The following TPST1 variants were observed in gnomAD, a reference collection of about 807,000 sequenced individuals.
The protein encoded by TPST1 is tyrosylprotein sulfotransferase 1.
Under a neutral mutation model 34.8 loss-of-function variants are expected in TPST1, and 20 were observed. The ratio of observed to expected loss-of-function variants is 0.57; its 90% CI spans 0.40 to 0.84. TPST1 has a LOEUF of 0.84. TPST1 is among the 40% of genes least tolerant of loss of function. The probability of loss-of-function intolerance (pLI) is 0.00; values close to 1 mark genes in which losing one functional copy is unlikely to be tolerated. For synonymous variants in TPST1, 152 were observed against 159.4 expected (o/e 0.95, Z 0.35); for missense variants, 353 against 455.5 (o/e 0.78, Z 2.05).
intron 1 of TPST1, among the ~76,000 whole-genome samples, chr7:66,237,588 T>A (rs1789936054): frequency 6.6e-6 from 1 of 152,294 alleles, no homozygotes; most frequent in South Asian, 2.1e-4. Context: ...AACCCCTGTG[T>A]TAGGGTTTTA....
At chr7:66,211,054 T>C (rs1789233116) in intron 1 of TPST1, among the ~76,000 whole-genome samples, 1 of 96,638 alleles carries the variant, frequency 1.0e-5, no homozygotes, top group Non-Finnish European at 2.3e-5. Flanking sequence ...GCTTTCCTGG[T>C]ACTGTGTACA....
intron 2 of TPST1, among the ~76,000 whole-genome samples, chr7:66,259,712 T>C (rs1002590059): frequency 2.0e-5 from 3 of 152,176 alleles, no homozygotes; most frequent in East Asian, 1.9e-4. Flanking sequence ...CCAATATCAG[T>C]ATCCTACTGG....
At chr7:66,299,589 T>C (rs1447979199) in intron 3 of TPST1, among the ~76,000 whole-genome samples, 1 of 152,134 alleles carries the variant, frequency 6.6e-6, no homozygotes, top group Non-Finnish European at 1.5e-5. Context: ...CCATCTCCTG[T>C]GTGGGCCTCA....
At chr7:66,264,889 A>G (rs551496254) in intron 2 of TPST1, among the ~76,000 whole-genome samples, 167 of 152,302 alleles carry the variant, frequency 1.1e-3, no homozygotes, top group African/African-American at 3.8e-3. Flanking sequence ...AAAGAAAACC[A>G]TATCTTAAAC....
At chr7:66,299,764 T>A (rs1350665897) in intron 3 of TPST1, among the ~76,000 whole-genome samples, 1 of 152,194 alleles carries the variant, frequency 6.6e-6, no homozygotes, top group Non-Finnish European at 1.5e-5. Flanking sequence ...CTTTACCCAT[T>A]CTGTTGATCT....
Position 66,208,613 on chromosome 7 carries a change from C to T in TPST1, c.-102+3091C>T, listed in dbSNP as rs1283535775. On this transcript the variant is annotated intron_variant, in intron 1 of 5. Transcript: ENST00000304842. ...CCTTCCGAGTAGCTGGGATTACAGG[C>T]GCCTGCCACCACACCCAGCTAATTT... 3.9e-5 allele frequency among the ~76,000 whole-genome samples: 6 copies of T among 151,926 alleles called. No individual in the cohort carries two copies. The South Asian group carries it at 6.2e-4, about 16-fold the overall frequency.
intron 1 of TPST1, among the ~76,000 whole-genome samples, chr7:66,218,715 C>T (rs1426079183): frequency 1.3e-5 from 2 of 152,062 alleles, no homozygotes; most frequent in Non-Finnish European, 1.5e-5. Context: ...GGTGTGGTGG[C>T]GGGCGCCTGT....
intron 1 of TPST1, 115 bp from the exon 2 acceptor site, chr7:66,240,210 A>G (rs1789999578): frequency 9.8e-6 from 6 of 610,482 alleles, no homozygotes; most frequent in Non-Finnish European, 1.6e-5. Context: ...AAGAATATCA[A>G]AGAATCCAAG....
chr7:66,338,279 G>A (rs1263517026), intron 3 of TPST1, among the ~76,000 whole-genome samples: 1 of 152,016 alleles, frequency 6.6e-6, no homozygotes. Context: ...ACAGCAAGAG[G>A]ATATAACAAT....
At chr7:66,200,131 A>G in the TPST1 span, among the ~76,000 whole-genome samples, 2 of 152,188 alleles carry the variant, frequency 1.3e-5, no homozygotes, top group Non-Finnish European at 2.9e-5. Flanking sequence ...ATTCCTAGGT[A>G]TGTTGCATAG....
intron 5 of TPST1, 123 bp downstream of exon 5, chr7:66,356,994 T>G: frequency 1.2e-6 from 1 of 856,804 alleles, no homozygotes; most frequent in Non-Finnish European, 1.9e-6. Context: ...ATCCTGCCTC[T>G]TCACTTTCTG....
chr7:66,316,126 A>T (rs1329541641), intron 3 of TPST1, among the ~76,000 whole-genome samples: 1 of 151,876 alleles, frequency 6.6e-6, no homozygotes, highest in East Asian at 1.9e-4. Flanking sequence ...AAAAAAAAAA[A>T]TTCTGATTTC....
intron 3 of TPST1, 130 bp from the exon 4 acceptor site, chr7:66,352,375 G>A: frequency 6.7e-7 from 1 of 1,497,146 alleles, no homozygotes; most frequent in Non-Finnish European, 8.8e-7. Context: ...TGAACTGACA[G>A]GCTTCTTTCT....
intron 3 of TPST1, among the ~76,000 whole-genome samples, chr7:66,320,789 G>T (rs1253626042): frequency 1.3e-5 from 2 of 150,858 alleles, no homozygotes; most frequent in Non-Finnish European, 2.9e-5. Context: ...GTAGAGATGG[G>T]GCTTCACCAT....
In TPST1 at chr7:66,262,326, C is replaced by T. The variant is rs551951463; in HGVS notation, c.845+21056C>T. 2.0e-5 allele frequency among the ~76,000 whole-genome samples: 3 copies of T among 152,242 alleles called. No homozygotes were observed. In the South Asian group the frequency reaches 6.2e-4, roughly 32 times the overall value. ...AGTGATTTTGCTAGCAGAATCCCCA[C>T]CTCCCTTCCTCTTCTTTCATTGGGC... On this transcript the variant is annotated intron_variant, in intron 2 of 5. Transcript: ENST00000304842.
At chr7:66,339,725 C>T (rs1792195144) in intron 3 of TPST1, among the ~76,000 whole-genome samples, 1 of 150,938 alleles carries the variant, frequency 6.6e-6, no homozygotes, top group Non-Finnish European at 1.5e-5. Flanking sequence ...AGAAAAAATA[C>T]CTATTCGGTA....
chr7:66,294,103 G>C (rs1791143619), intron 3 of TPST1, among the ~76,000 whole-genome samples: 1 of 152,074 alleles, frequency 6.6e-6, no homozygotes, highest in Admixed American at 6.5e-5. Flanking sequence ...TCACATTGTT[G>C]TGCAACTGTC....
chr7:66,280,590 T>A (rs548927123), intron 2 of TPST1, among the ~76,000 whole-genome samples: 2 of 152,326 alleles, frequency 1.3e-5, no homozygotes, highest in African/African-American at 2.4e-5. Flanking sequence ...ACTTCCACTC[T>A]TCCTGGATGC....
upstream of TPST1, among the ~76,000 whole-genome samples, chr7:66,202,801 C>T (rs972522149): frequency 1.5e-4 from 23 of 152,066 alleles, no homozygotes; most frequent in Admixed American, 1.4e-3. Flanking sequence ...AAGGTGGGCG[C>T]GGTGGCTCAC....
Sources: gnomAD v4.1 joint callset for allele counts (sites outside exome capture counted in the v4.1 genomes callset) on GRCh38, gnomAD v4.1.1 for gene constraint, MANE v1.5 for transcripts, NCBI Gene and HGNC (gene_info 2026-07-23, HGNC 2026-07-21) for gene names.